Variants in PHKB observed in about 807,000 individuals in gnomAD.
The protein encoded by PHKB is phosphorylase kinase regulatory subunit beta.
Under a neutral mutation model 152.1 loss-of-function variants are expected in PHKB, and 122 were observed. The ratio of observed to expected loss-of-function variants is 0.80; its 90% CI spans 0.69 to 0.93. The LOEUF is 0.93. Ranked by LOEUF, PHKB falls within the 40% of genes least tolerant of loss-of-function variation. The probability of loss-of-function intolerance (pLI) is 0.00; values close to 1 mark genes in which losing one functional copy is unlikely to be tolerated. For synonymous variants in PHKB, 436 were observed against 464.9 expected (o/e 0.94, Z 0.80); for missense variants, 1,304 against 1,328.4 (o/e 0.98, Z 0.29).
At chr16:47,510,218 A>G (rs1187403613) in intron 4 of PHKB, among the ~76,000 whole-genome samples, 1 of 152,188 alleles carries the variant, frequency 6.6e-6, no homozygotes, top group Non-Finnish European at 1.5e-5. Context: ...CTAGGGTTTT[A>G]TAGCAACCGT....
chr16:47,518,744 G>T (rs1022551714), intron 6 of PHKB, among the ~76,000 whole-genome samples: 2 of 152,088 alleles, frequency 1.3e-5, no homozygotes, highest in Non-Finnish European at 2.9e-5. Flanking sequence ...TCTTCATCTA[G>T]AGAGAAACTC....
chr16:47,667,190 T>A (rs1018839123), intron 25 of PHKB, among the ~76,000 whole-genome samples: 7 of 151,916 alleles, frequency 4.6e-5, no homozygotes, highest in African/African-American at 1.7e-4. Context: ...CCAAACACTT[T>A]GGGGGCCAAG....
intron 7 of PHKB, among the ~76,000 whole-genome samples, chr16:47,576,229 C>T (rs1428280514): frequency 6.6e-6 from 1 of 152,164 alleles, no homozygotes; most frequent in Non-Finnish European, 1.5e-5. Context: ...GAATTTCCCT[C>T]TATTCCTAGT....
chr16:47,675,114 G>A (rs928117571), intron 26 of PHKB, among the ~76,000 whole-genome samples: 6 of 152,118 alleles, frequency 3.9e-5, no homozygotes, highest in African/African-American at 1.2e-4. Context: ...CAAAAACTCT[G>A]TAAGTTTACA....
At chr16:47,629,195 C>G (rs1381701753) in intron 14 of PHKB, among the ~76,000 whole-genome samples, 1 of 152,044 alleles carries the variant, frequency 6.6e-6, no homozygotes, top group East Asian at 1.9e-4. Context: ...AACTAAAGAG[C>G]TTCTGCACAG....
intron 20 of PHKB, among the ~76,000 whole-genome samples, chr16:47,652,276 T>C (rs1358193255): frequency 6.6e-6 from 1 of 151,858 alleles, no homozygotes; most frequent in African/African-American, 2.4e-5. Flanking sequence ...CCTGGGTATA[T>C]GCATGATGCT....
intron 13 of PHKB, among the ~76,000 whole-genome samples, chr16:47,600,815 T>G (rs1000180265): frequency 1.1e-4 from 17 of 152,242 alleles, no homozygotes; most frequent in Middle Eastern, 3.2e-3. Flanking sequence ...ATGGGACATC[T>G]TTATGCATCA....
rs760632734 is a variant in PHKB at position 47,593,597 on chromosome 16, C to G, written c.1126+40C>G. The G allele has an allele frequency of 1.1e-5, 13 of 1,175,560 alleles. No individual in the cohort carries two copies. In the Admixed American group the frequency reaches 1.5e-4, roughly 14 times the overall value. The allele number at this position is 1,175,560 out of a possible 1,614,324, so 72.8% of individuals were successfully genotyped here. A position where few individuals can be genotyped will look rare whatever the true frequency, so the allele number is the denominator to read the frequency against. On this transcript the variant is annotated intron_variant, in intron 11 of 30. Transcript: ENST00000323584. Reference sequence around the variant, plus strand: ...TCCTGAAATTTAAGCAAGCTTTTTCCTGAAATTTAAGCTGTAGGATTTAAG... The same window carrying G: ...TCCTGAAATTTAAGCAAGCTTTTTCGTGAAATTTAAGCTGTAGGATTTAAG...
intron 2 of PHKB, among the ~76,000 whole-genome samples, chr16:47,499,470 A>G (rs1258382890): frequency 1.3e-5 from 2 of 152,154 alleles, no homozygotes; most frequent in Non-Finnish European, 2.9e-5. Context: ...TCCTAATAAG[A>G]TTTCTAACAC....
intron 14 of PHKB, among the ~76,000 whole-genome samples, chr16:47,636,199 A>G (rs1176883919): frequency 6.6e-6 from 1 of 152,252 alleles, no homozygotes. Flanking sequence ...TCCAGAAAAC[A>G]GTTTAAAATG....
intron 27 of PHKB, among the ~76,000 whole-genome samples, chr16:47,690,159 A>G (rs571470057): frequency 1.4e-4 from 22 of 152,352 alleles, no homozygotes; most frequent in African/African-American, 4.6e-4. Flanking sequence ...TTAATGTGTG[A>G]CAAAGGCCAA....
At chr16:47,508,071 C>T (rs528963920) in intron 4 of PHKB, among the ~76,000 whole-genome samples, 1 of 152,302 alleles carries the variant, frequency 6.6e-6, no homozygotes, top group South Asian at 2.1e-4. Flanking sequence ...CCCTTCTCCA[C>T]TTCTATTGAT....
intron 26 of PHKB, among the ~76,000 whole-genome samples, chr16:47,682,691 C>G (rs1973884409): frequency 6.6e-6 from 1 of 152,160 alleles, no homozygotes; most frequent in South Asian, 2.1e-4. Context: ...TTTTTAACTT[C>G]TTTGCCATTG....
At chr16:47,621,702 T>A (rs551625610) in intron 14 of PHKB, among the ~76,000 whole-genome samples, 1 of 152,320 alleles carries the variant, frequency 6.6e-6, no homozygotes, top group African/African-American at 2.4e-5. Context: ...CTTATGATTA[T>A]CTTAGTAAAA....
intron 14 of PHKB, among the ~76,000 whole-genome samples, chr16:47,621,144 G>A (rs1412479196): frequency 1.3e-5 from 2 of 151,792 alleles, no homozygotes; most frequent in African/African-American, 4.8e-5. Context: ...AAATTATTTG[G>A]CTGGGTTTAA....
Position 47,663,663 on chromosome 16 carries a change from T to C in PHKB, c.2279-14T>C. On this transcript the variant is annotated splice_polypyrimidine_tract_variant and intron_variant, in intron 23 of 30. Transcript: ENST00000323584. ...AAGCTTTGTTCAACAAAGACTCTATTATCCAATGTCTAGGTACCGTTTCTG... is the reference window on the plus strand; with the variant it reads ...AAGCTTTGTTCAACAAAGACTCTATCATCCAATGTCTAGGTACCGTTTCTG... 6.2e-7 allele frequency: 1 copy of C among 1,608,074 alleles called. No homozygotes were observed.
At chr16:47,560,519 A>T (rs769739584) in intron 7 of PHKB, among the ~76,000 whole-genome samples, 1 of 152,252 alleles carries the variant, frequency 6.6e-6, no homozygotes, top group Non-Finnish European at 1.5e-5. Flanking sequence ...TTCAAAACTT[A>T]CTGCAAAGCT....
At chr16:47,602,973 A>G (rs1216815626) in intron 13 of PHKB, among the ~76,000 whole-genome samples, 1 of 152,154 alleles carries the variant, frequency 6.6e-6, no homozygotes, top group Non-Finnish European at 1.5e-5. Flanking sequence ...TATTCTGACA[A>G]ACCACTTCCT....
chr16:47,613,862 C>G (rs1462994229), intron 14 of PHKB, among the ~76,000 whole-genome samples: 2 of 152,100 alleles, frequency 1.3e-5, no homozygotes, highest in Non-Finnish European at 2.9e-5. Context: ...TTGAACTGTA[C>G]CTAACCTTTT....
Sources: gnomAD v4.1 joint callset for allele counts (sites outside exome capture counted in the v4.1 genomes callset) on GRCh38, gnomAD v4.1.1 for gene constraint, MANE v1.5 for transcripts, NCBI Gene and HGNC (gene_info 2026-07-23, HGNC 2026-07-21) for gene names.